The following PCDH19 variants were observed in gnomAD, a reference collection of about 807,000 sequenced individuals.
The protein encoded by PCDH19 is protocadherin-19.
A neutral mutation model predicts 46.2 loss-of-function variants in PCDH19; 6 were observed. The observed-to-expected ratio is 0.13, with a 90% confidence interval of 0.07 to 0.26. The LOEUF (loss-of-function observed/expected upper bound fraction) is 0.26. Among genes scored for constraint, PCDH19 ranks in the 10% least tolerant of loss-of-function variants. PCDH19 has a pLI of 1.00. For synonymous variants in PCDH19, 481 were observed against 415.7 expected (o/e 1.16, Z -1.91); for missense variants, 740 against 972.3 (o/e 0.76, Z 3.18).
At chrX:100,373,599 G>A (rs1384271048) in intron 3 of PCDH19, among the ~76,000 whole-genome samples, 2 of 111,996 alleles carry the variant, frequency 1.8e-5, no homozygotes, top group African/African-American at 6.5e-5. Flanking sequence ...TCCTTTCTTC[G>A]AAAAAAGAGC....
intron 3 of PCDH19, among the ~76,000 whole-genome samples, chrX:100,371,020 T>TGG (rs1412985360): frequency 7.5e-5 from 8 of 107,335 alleles, no homozygotes; most frequent in South Asian, 4.2e-4. Context: ...TGTGTGTGTG[T>TGG]GTGTGGGTGT....
rs1928351818 is a variant in PCDH19 at position 100,406,518 on chromosome X, C to A, written c.2080G>T (p.Val694Leu). The A allele has an allele frequency of 8.3e-7, 1 of 1,208,219 alleles. No individual in the cohort carries two copies. The highest frequency in any genetic ancestry group is 1.1e-6 in the Non-Finnish European group (1 of 893,616). The change falls in exon 1 of 6, where the codon GTA becomes TTA. Residue 694 changes from valine (V) to leucine (L), a missense_variant. Coordinates refer to ENST00000373034, the MANE Select transcript of PCDH19 (RefSeq NM_001184880.2). ...ALGSIAGILF[V>L]TMIFVAIKCK... ...TTGATTGCCACGAAGATCATAGTTA[C>A]AAAGAGGATGCCCGCAATGGAGCCC...
Position 100,296,404 on chromosome X carries a change from C to A in PCDH19, c.3320G>T (p.Arg1107Leu), listed in dbSNP as rs200021840. The A allele has an allele frequency of 1.7e-6, 2 of 1,208,930 alleles. No homozygotes were observed. Among genetic ancestry groups the A allele is most frequent in the Non-Finnish European group, 2.2e-6 (2 of 894,751 alleles). The change falls in exon 6 of 6, where the codon CGT becomes CTT. Residue 1107 changes from arginine to leucine, a missense_variant. Arg to Leu is a moderately radical substitution (Grantham distance 102). Coordinates refer to ENST00000373034, the MANE Select transcript of PCDH19 (RefSeq NM_001184880.2). ...TCCACGGGGCTCAGCTTCAGAGGGA[C>A]GAGTAGGGCCATTGTTGACATTGTT... is the stretch of plus-strand genomic sequence containing the variant. ...YVNNVNNGPTRPSEAEPRGAD... is the reference protein window; with the variant it reads ...YVNNVNNGPTLPSEAEPRGAD...
chrX:100,391,450 A>G (rs899423718), intron 3 of PCDH19, among the ~76,000 whole-genome samples: 1 of 111,881 alleles, frequency 8.9e-6, no homozygotes, highest in Non-Finnish European at 1.9e-5. Context: ...TATACACAGA[A>G]TATGCTGCCC....
At position 100,398,994 on chromosome X, in the gene PCDH19, C is replaced by T. The variant is rs183923954; in HGVS notation, c.2616+3530G>A. On this transcript the variant is annotated intron_variant, in intron 3 of 5. Coordinates refer to ENST00000373034, the MANE Select transcript of PCDH19 (RefSeq NM_001184880.2). ...ATTCTGAATTGAAATTACCTGTTTA[C>T]TTGTCTGTATTTCTGTAAGCTCCCT... 3.1e-4 allele frequency among the ~76,000 whole-genome samples: 35 copies of T among 111,710 alleles called. 1 individual carries two copies. Among genetic ancestry groups the T allele is most frequent in the African/African-American group, 1.1e-3 (35 of 30,748 alleles).
At position 100,296,554 on chromosome X, in the gene PCDH19, T is replaced by C. The variant is rs749818933; in HGVS notation, c.3170A>G (p.Asn1057Ser). The change falls in exon 6 of 6, where the codon AAT becomes AGT. Residue 1057 changes from asparagine to serine, a missense_variant. Coordinates refer to ENST00000373034, the MANE Select transcript of PCDH19 (RefSeq NM_001184880.2). ...KVNSVIREAG[N>S]GCEAISPVTS... The stretch of plus-strand genomic sequence containing the variant: ...GACAGGGCTAATCGCCTCACAGCCA[T>C]TGCCTGCCTCCCGGATAACGCTGTT... The C allele has an allele frequency of 2.5e-6, 3 of 1,211,172 alleles. No individual in the cohort carries two copies. Among genetic ancestry groups the C allele is most frequent in the Non-Finnish European group, 1.1e-6 (1 of 895,286 alleles).
chrX:100,339,016 C>A (rs1298955312), intron 5 of PCDH19, among the ~76,000 whole-genome samples: 1 of 112,121 alleles, frequency 8.9e-6, no homozygotes, highest in East Asian at 2.8e-4. Flanking sequence ...ACAGAGAGAA[C>A]TACAGACATG....
chrX:100,403,573 C>T lies in PCDH19; in HGVS notation c.2239G>A (p.Glu747Lys), dbSNP rs1407091251. 2 of 1,209,826 alleles carry T rather than the reference C, an allele frequency of 1.7e-6. No homozygotes were observed. The highest frequency in any genetic ancestry group is 2.2e-5 in the Admixed American group (1 of 46,057). Residue 747 changes from glutamate to lysine, a missense_variant, in exon 2 of 6, where the codon GAG becomes AAG. By Grantham distance (56) the Glu-to-Lys change is moderately conservative (BLOSUM62 1). Around this residue, in one of 5 missense-constraint regions of PCDH19, gnomAD observed 416 missense variants for 476.8 expected, o/e 0.87. Coordinates refer to ENST00000373034, the MANE Select transcript of PCDH19 (RefSeq NM_001184880.2). Reference sequence around the variant, plus strand: ...TCCTCTGTCTTTTTGTCTTGCTCCTCGCTAATGGGAGAAACCGAGATGCAA... The same window carrying T: ...TCCTCTGTCTTTTTGTCTTGCTCCTTGCTAATGGGAGAAACCGAGATGCAA... ...LHCISVSPIS[E>K]EQDKKTEEKV... is the part of the protein sequence containing the mutation.
chrX:100,391,285 C>T (rs958808372), intron 3 of PCDH19, among the ~76,000 whole-genome samples: 1 of 111,115 alleles, frequency 9.0e-6, no homozygotes, highest in African/African-American at 3.3e-5. Context: ...AGGCAAGACG[C>T]GTGCATCTCC....
intron 1 of PCDH19, among the ~76,000 whole-genome samples, chrX:100,405,149 G>A (rs1440368401): frequency 1.8e-5 from 2 of 112,304 alleles, no homozygotes; most frequent in African/African-American, 3.2e-5. Context: ...AGGGGGCTCT[G>A]ATTCACAGAA....
intron 3 of PCDH19, among the ~76,000 whole-genome samples, chrX:100,353,918 C>T (rs1210977046): frequency 3.6e-5 from 4 of 111,735 alleles, no homozygotes; most frequent in Non-Finnish European, 7.5e-5. Context: ...AACCGATTTT[C>T]CCAGAATGGA....
chrX:100,326,165 T>G lies in PCDH19; in HGVS notation c.2848+15738A>C, dbSNP rs1362420365. Among the ~76,000 whole-genome samples, 3 of 112,064 alleles carry G rather than the reference T, an allele frequency of 2.7e-5. No homozygotes were observed. In the East Asian group the frequency reaches 8.4e-4, roughly 31 times the overall value. On this transcript the variant is annotated intron_variant, in intron 5 of 5. Transcript: ENST00000373034. ...AGAGAATTTTATAAAGGGCTTTGGT[T>G]GAGATTTTTTTTCTATCATTAACAA... is the stretch of plus-strand genomic sequence containing the variant.
chrX:100,373,347 G>A (rs1326495460), intron 3 of PCDH19, among the ~76,000 whole-genome samples: 1 of 112,702 alleles, frequency 8.9e-6, no homozygotes, highest in East Asian at 2.8e-4. Context: ...TTGATTTGCT[G>A]TTCAAAACCA....
At chrX:100,350,849 T>C in intron 3 of PCDH19, 145 bp from the exon 4 acceptor site, 1 of 487,786 alleles carries the variant, frequency 2.1e-6, no homozygotes, top group Non-Finnish European at 3.7e-6. Context: ...CAGCAGCCTC[T>C]GCCTCCTTCA....
intron 3 of PCDH19, among the ~76,000 whole-genome samples, chrX:100,379,614 A>T (rs1927491706): frequency 8.9e-6 from 1 of 111,958 alleles, no homozygotes; most frequent in South Asian, 3.8e-4. Flanking sequence ...ACAGAAAAAA[A>T]GTTGGAGCAG....
In PCDH19 at chrX:100,406,749, T is replaced by C; in HGVS notation, c.1849A>G (p.Ile617Val). 8.3e-7 allele frequency: 1 copy of C among 1,211,766 alleles called. No individual in the cohort carries two copies. The highest frequency in any genetic ancestry group is 1.8e-5 in the South Asian group (1 of 56,970). The change falls in exon 1 of 6, where the codon ATA becomes GTA. Residue 617 changes from isoleucine (I) to valine (V), a missense_variant. By Grantham distance (29) the Ile-to-Val change is conservative (BLOSUM62 3). This residue lies in a region of PCDH19 where 416 missense variants were observed against 476.8 expected (regional missense o/e 0.87). Coordinates refer to ENST00000373034, the MANE Select transcript of PCDH19 (RefSeq NM_001184880.2). ...CTGACTTCGCCATTGACCTGGTCTA[T>C]TTCAAAGAAGCCGCGGTCGCCCTCG... ...MTEGDRGFFE[I>V]DQVNGEVRTT...
At chrX:100,343,208 A>G (rs1247947708) in intron 4 of PCDH19, among the ~76,000 whole-genome samples, 1 of 111,786 alleles carries the variant, frequency 8.9e-6, no homozygotes, top group African/African-American at 3.3e-5. Flanking sequence ...CCTTCAAACT[A>G]CACTTCCATC....
At chrX:100,312,411 C>T (rs1285248138) in intron 5 of PCDH19, among the ~76,000 whole-genome samples, 1 of 111,797 alleles carries the variant, frequency 8.9e-6, no homozygotes, top group Non-Finnish European at 1.9e-5. Context: ...CAAACACCAC[C>T]TTCTGTGTTT....
chrX:100,370,807 TAGG>T (rs1451876103), intron 3 of PCDH19, among the ~76,000 whole-genome samples: 1 of 111,472 alleles, frequency 9.0e-6, no homozygotes. Flanking sequence ...CTTTCATTTT[TAGG>T]AGGTTTTGAA....
Sources: gnomAD v4.1 joint callset for allele counts (sites outside exome capture counted in the v4.1 genomes callset) on GRCh38, gnomAD v4.1.1 for gene constraint, gnomAD v4.1.1 regional missense constraint, MANE v1.5 for transcripts, NCBI Gene and HGNC (gene_info 2026-07-23, HGNC 2026-07-21) for gene names.